The following GLOD5 variants were observed in gnomAD, a reference collection of about 807,000 sequenced individuals.
GLOD5 encodes the protein glyoxalase domain containing 5.
GLOD5 carries 7 observed loss-of-function variants against 9.9 expected under a neutral mutation model. That is an observed-to-expected ratio of 0.71 (90% CI 0.40 to 1.33). The LOEUF (loss-of-function observed/expected upper bound fraction) is 1.33, where lower values mean the gene tolerates loss of function less well. Ranked by LOEUF, GLOD5 falls within the 40% of genes most tolerant of loss-of-function variation. The pLI is 0.01. For synonymous variants in GLOD5, 49 were observed against 47.3 expected, an observed-to-expected ratio of 1.04 and a Z score of -0.14; for missense variants, 146 against 128.4, an observed-to-expected ratio of 1.14 and a Z score of -0.66.
At chrX:48,770,581 G>A (rs2062619902) in intron 2 of GLOD5, among the ~76,000 whole-genome samples, 1 of 111,279 alleles carries the variant, frequency 9.0e-6, no homozygotes, top group Non-Finnish European at 1.9e-5. Flanking sequence ...GGACGTGCTG[G>A]GAAATGTAGG....
intron 2 of GLOD5, among the ~76,000 whole-genome samples, chrX:48,769,581 G>C (rs1220879065): frequency 9.0e-6 from 1 of 111,358 alleles, no homozygotes; most frequent in African/African-American, 3.3e-5. Context: ...AAATTGTTAA[G>C]GAGCTAAAAG....
chrX:48,765,046 C>T (rs1353752732), intron 1 of GLOD5, among the ~76,000 whole-genome samples: 2 of 110,952 alleles, frequency 1.8e-5, no homozygotes, highest in African/African-American at 3.3e-5. Flanking sequence ...TAAACACGCA[C>T]GCCCAGAAAC....
intron 1 of GLOD5, among the ~76,000 whole-genome samples, chrX:48,763,559 G>A (rs1335257651): frequency 1.8e-5 from 2 of 111,055 alleles, no homozygotes; most frequent in African/African-American, 3.3e-5. Flanking sequence ...TGGGCATGGT[G>A]GCACACACCT....
intron 3 of GLOD5, among the ~76,000 whole-genome samples, chrX:48,772,780 A>G (rs1569498070): frequency 9.1e-6 from 1 of 110,273 alleles, no homozygotes. Context: ...TATCCTTCCC[A>G]TTTTACAGAT....
At chrX:48,762,959 G>T (rs2062600105) in intron 1 of GLOD5, among the ~76,000 whole-genome samples, 1 of 112,048 alleles carries the variant, frequency 8.9e-6, no homozygotes, top group South Asian at 3.6e-4. Context: ...CAGGATCTGG[G>T]GAGTGAATCT....
At chrX:48,766,479 G>A (rs1429638122) in intron 2 of GLOD5, among the ~76,000 whole-genome samples, 12 of 108,795 alleles carry the variant, frequency 1.1e-4, no homozygotes, top group African/African-American at 2.0e-4. Context: ...GGCCAGGTGC[G>A]GTGGCTCATG....
intron 2 of GLOD5, among the ~76,000 whole-genome samples, chrX:48,766,681 G>A (rs2062609853): frequency 9.1e-6 from 1 of 109,877 alleles, no homozygotes. Flanking sequence ...AGCCTGGGAG[G>A]CAGAGGTTGC....
intron 2 of GLOD5, among the ~76,000 whole-genome samples, chrX:48,769,204 C>T (rs2147295522): frequency 9.2e-6 from 1 of 108,414 alleles, no homozygotes; most frequent in East Asian, 2.9e-4. Flanking sequence ...TGTAGTTGAT[C>T]TACAAAAATA....
chrX:48,772,408 T>C (rs2062624820), intron 3 of GLOD5, among the ~76,000 whole-genome samples: 1 of 109,928 alleles, frequency 9.1e-6, no homozygotes, highest in African/African-American at 3.3e-5. Flanking sequence ...GACGTGGCGG[T>C]GTGTGCCTGT....
rs782241460 is a variant in GLOD5 at position 48,762,657 on chromosome X, A to T, written c.63+804A>T. ...TCACCATGTAGGCCAGGCTGGTCTCAAACTCCTGACCTCATGTAATCCACC... is the reference window on the plus strand; with the variant it reads ...TCACCATGTAGGCCAGGCTGGTCTCTAACTCCTGACCTCATGTAATCCACC... On this transcript the variant is annotated intron_variant, in intron 1 of 3. Coordinates refer to ENST00000303227, the MANE Select transcript of GLOD5 (RefSeq NM_001080489.3). Among the ~76,000 whole-genome samples the T allele has an allele frequency of 1.2e-4, 13 of 110,549 alleles. No individual in the cohort carries two copies. In the South Asian group the frequency reaches 5.0e-3, roughly 43 times the overall value.
intron 1 of GLOD5, among the ~76,000 whole-genome samples, chrX:48,765,047 G>A (rs1292771093): frequency 9.0e-6 from 1 of 110,876 alleles, no homozygotes; most frequent in Non-Finnish European, 1.9e-5. Flanking sequence ...AAACACGCAC[G>A]CCCAGAAACC....
chrX:48,766,093 A>G, intron 2 of GLOD5, 121 bp downstream of exon 2: 4 of 639,772 alleles, frequency 6.3e-6, no homozygotes, highest in Non-Finnish European at 9.8e-6. Flanking sequence ...TAAAGAGATC[A>G]ATAGAGGAGA....
intron 2 of GLOD5, among the ~76,000 whole-genome samples, chrX:48,769,341 C>CAA (rs782793826): frequency 1.3e-4 from 5 of 39,983 alleles, no homozygotes; most frequent in Non-Finnish European, 1.0e-4. Flanking sequence ...ACTGTCTCTA[C>CAA]AAAAAAAAAA....
chrX:48,766,319 G>A, intron 2 of GLOD5: 1 of 136,721 alleles, frequency 7.3e-6, no homozygotes, highest in Non-Finnish European at 1.4e-5. Context: ...TTAAAAAGTA[G>A]ATTATCTACA....
chrX:48,770,182 C>T (rs184592468), intron 2 of GLOD5, among the ~76,000 whole-genome samples: 33 of 109,316 alleles, frequency 3.0e-4, no homozygotes, highest in African/African-American at 8.0e-4. Flanking sequence ...GGCTGAGGCA[C>T]GAGAATCACC....
At chrX:48,769,090 T>C (rs2147295468) in intron 2 of GLOD5, among the ~76,000 whole-genome samples, 1 of 108,696 alleles carries the variant, frequency 9.2e-6, no homozygotes, top group Non-Finnish European at 1.9e-5. Context: ...GTATCATTCA[T>C]AGTGATATAA....
intron 1 of GLOD5, chrX:48,762,216 T>A (rs963920954): frequency 7.0e-6 from 1 of 143,087 alleles, no homozygotes; most frequent in East Asian, 1.6e-4. Flanking sequence ...AGGAGAGGAA[T>A]TCAGAGGCCC....
chrX:48,773,425 TCTCCTCGTGATGGAGGCTGGAC>T lies in GLOD5; in HGVS notation c.480_*18del. ...AATCTGATTGAGGTGTCCAACTACA[TCTCCTCGTGATGGAGGCTGGAC>T]CTCCTCCATTCTGTCCCCCTTGATG... On this transcript the variant is annotated stop_lost and 3_prime_UTR_variant, in exon 4 of 4. Transcript: ENST00000303227. The T allele has an allele frequency of 2.5e-6, 3 of 1,208,553 alleles. No individual in the cohort carries two copies. The highest frequency in any genetic ancestry group is 3.4e-6 in the Non-Finnish European group (3 of 894,142).
intron 2 of GLOD5, among the ~76,000 whole-genome samples, chrX:48,768,346 A>G (rs2062614146): frequency 8.9e-6 from 1 of 112,265 alleles, no homozygotes; most frequent in African/African-American, 3.2e-5. Context: ...ACAGCAATTT[A>G]TGAAAACCAA....
Sources: allele counts gnomAD v4.1 joint callset (sites outside exome capture counted in the v4.1 genomes callset), GRCh38; gene constraint gnomAD v4.1.1; transcripts MANE v1.5; gene names NCBI Gene and HGNC (gene_info 2026-07-23, HGNC 2026-07-21).